The following CAMTA1 variants were observed in gnomAD, a reference collection of about 807,000 sequenced individuals.
The protein encoded by CAMTA1 is calmodulin-binding transcription activator 1.
A neutral mutation model predicts 170.9 loss-of-function variants in CAMTA1; 27 were observed. The ratio of observed to expected loss-of-function variants is 0.16; its 90% CI spans 0.12 to 0.22. CAMTA1 has a LOEUF of 0.22. Among genes scored for constraint, CAMTA1 ranks in the 10% least tolerant of loss-of-function variants. The pLI is 1.00. For synonymous variants in CAMTA1, 833 were observed against 891.5 expected (o/e 0.93, Z 1.17); for missense variants, 1,619 against 2,217.2 (o/e 0.73, Z 5.42).
intron 6 of CAMTA1, among the ~76,000 whole-genome samples, chr1:7,504,365 C>T (rs1219643375): frequency 6.6e-6 from 1 of 152,238 alleles, no homozygotes; most frequent in African/African-American, 2.4e-5. Flanking sequence ...AGCTGTCCTG[C>T]CCCCTTGCTG....
chr1:7,067,728 C>T lies in CAMTA1; in HGVS notation c.235-23576C>T, dbSNP rs558992888. 1.3e-5 allele frequency among the ~76,000 whole-genome samples: 2 copies of T among 152,256 alleles called. No homozygotes were observed. Among genetic ancestry groups the T allele is most frequent in the East Asian group, 1.9e-4 (1 of 5,182 alleles). On this transcript the variant is annotated intron_variant, in intron 3 of 22. Transcript: ENST00000303635. The surrounding 1 kb of genome is among the most constrained non-coding windows in gnomAD (Gnocchi z 4.3). ...ATAGCATTCCCGTCTTATTTCTTGC[C>T]GACAGGACCTTGACTGTGTTCAGGT...
At chr1:7,370,258 C>G (rs2086338498) in intron 5 of CAMTA1, 1 of 152,248 alleles carries the variant, frequency 6.6e-6, no homozygotes, top group Non-Finnish European at 1.5e-5. Context: ...AGTCAATTGA[C>G]TTAAACATGG....
rs2095022531 is a variant in CAMTA1 at position 7,565,089 on chromosome 1, G to A, written c.511-75311G>A. ...GAGGGACCCAAAGCAGAGGGGCTGT[G>A]GGTGCCAGGGGGCTCCCTGGGGAGA... On this transcript the variant is annotated intron_variant, in intron 6 of 22. Coordinates refer to ENST00000303635, the MANE Select transcript of CAMTA1 (RefSeq NM_015215.4). This position sits in a 1 kb window ranked among gnomAD's most constrained non-coding sequence, Gnocchi z 4.5. Among the ~76,000 whole-genome samples the A allele has an allele frequency of 6.6e-6, 1 of 151,956 alleles. No homozygotes were observed. The highest frequency in any genetic ancestry group is 1.5e-5 in the Non-Finnish European group (1 of 67,962).
intron 5 of CAMTA1, among the ~76,000 whole-genome samples, chr1:7,317,115 A>G (rs530142319): frequency 5.9e-5 from 9 of 152,254 alleles, no homozygotes; most frequent in Middle Eastern, 3.4e-3. Context: ...AACACTGTGA[A>G]GGGAAGTTGC....
At chr1:7,726,286 G>T (rs1028641637) in intron 11 of CAMTA1, among the ~76,000 whole-genome samples, 26 of 151,832 alleles carry the variant, frequency 1.7e-4, no homozygotes, top group African/African-American at 6.3e-4. Flanking sequence ...TTATAGTTTC[G>T]CTGGGGAGGA....
At chr1:7,337,959 C>T (rs2083512741) in intron 5 of CAMTA1, among the ~76,000 whole-genome samples, 1 of 147,128 alleles carries the variant, frequency 6.8e-6, no homozygotes, top group African/African-American at 2.6e-5. Flanking sequence ...TAGAAATAAA[C>T]ATGTATATAT....
intron 3 of CAMTA1, among the ~76,000 whole-genome samples, chr1:7,062,511 C>T (rs1708368893): frequency 6.6e-6 from 1 of 152,018 alleles, no homozygotes; most frequent in African/African-American, 2.4e-5. Flanking sequence ...AATGGCTGGG[C>T]GCCGGGGAGA....
At chr1:6,928,528 C>T (rs1401159180) in intron 3 of CAMTA1, among the ~76,000 whole-genome samples, 2 of 152,066 alleles carry the variant, frequency 1.3e-5, no homozygotes, top group African/African-American at 4.8e-5. Flanking sequence ...TCCCATCTGC[C>T]CTCCCCACCC....
rs1692510132 is a variant in CAMTA1 at position 6,971,370 on chromosome 1, T to A, written c.235-119934T>A. Among the ~76,000 whole-genome samples, 1 of 152,210 alleles carries A rather than the reference T, an allele frequency of 6.6e-6. No homozygotes were observed. Among genetic ancestry groups the A allele is most frequent in the Non-Finnish European group, 1.5e-5 (1 of 68,044 alleles). ...ATAGCAGACGATCGGATTGTATCCG[T>A]GTCATTCTGCTGCCACTTTAATGAG... On this transcript the variant is annotated intron_variant, in intron 3 of 22. Coordinates refer to ENST00000303635, the MANE Select transcript of CAMTA1 (RefSeq NM_015215.4). The surrounding 1 kb of genome is among the most constrained non-coding windows in gnomAD (Gnocchi z 4.6).
chr1:7,242,429 G>T (rs1366946470), intron 4 of CAMTA1, among the ~76,000 whole-genome samples: 2 of 152,130 alleles, frequency 1.3e-5, no homozygotes, highest in Non-Finnish European at 2.9e-5. Flanking sequence ...TTGTTGCTGG[G>T]TTTTCAATCA....
intron 4 of CAMTA1, among the ~76,000 whole-genome samples, chr1:7,192,450 C>T (rs531253283): frequency 1.3e-5 from 2 of 152,340 alleles, no homozygotes; most frequent in Non-Finnish European, 2.9e-5. Context: ...GGACTGAGGC[C>T]GGATAGCCCA....
At chr1:7,111,383 C>T (rs1644027660) in intron 4 of CAMTA1, among the ~76,000 whole-genome samples, 1 of 152,170 alleles carries the variant, frequency 6.6e-6, no homozygotes, top group African/African-American at 2.4e-5. Flanking sequence ...CTTCATCATC[C>T]CTGGTTTTAT....
At position 6,918,561 on chromosome 1, in the gene CAMTA1, T is replaced by C. The variant is rs1571703357; in HGVS notation, c.234+93351T>C. Among the ~76,000 whole-genome samples the C allele has an allele frequency of 1.3e-5, 2 of 152,190 alleles. No homozygotes were observed. The highest frequency in any genetic ancestry group is 4.1e-4 in the South Asian group (2 of 4,832). Reference sequence around the variant, plus strand: ...GAGAAATACTGTGGCTTCAAAACGGTATTTATCTGGCATTGGGAAACCATC... The same window carrying C: ...GAGAAATACTGTGGCTTCAAAACGGCATTTATCTGGCATTGGGAAACCATC... On this transcript the variant is annotated intron_variant, in intron 3 of 22. Coordinates refer to ENST00000303635, the MANE Select transcript of CAMTA1 (RefSeq NM_015215.4). This position sits in a 1 kb window ranked among gnomAD's most constrained non-coding sequence, Gnocchi z 4.0.
intron 4 of CAMTA1, among the ~76,000 whole-genome samples, chr1:7,139,745 G>A (rs1192658989): frequency 6.6e-6 from 1 of 152,170 alleles, no homozygotes; most frequent in African/African-American, 2.4e-5. Context: ...TGGTTGTTGG[G>A]TGGATGGACG....
intron 3 of CAMTA1, among the ~76,000 whole-genome samples, chr1:6,930,853 C>T (rs1684276306): frequency 6.6e-6 from 1 of 152,250 alleles, no homozygotes; most frequent in African/African-American, 2.4e-5. Context: ...CCACTCTTCA[C>T]CAGGCGTGGG....
At position 7,569,532 on chromosome 1, in the gene CAMTA1, A is replaced by G. The variant is rs528863456; in HGVS notation, c.511-70868A>G. Among the ~76,000 whole-genome samples the G allele has an allele frequency of 2.0e-5, 3 of 149,416 alleles. No individual in the cohort carries two copies. The East Asian group carries it at 6.0e-4, about 30-fold the overall frequency. On this transcript the variant is annotated intron_variant, in intron 6 of 22. Coordinates refer to ENST00000303635, the MANE Select transcript of CAMTA1 (RefSeq NM_015215.4). ...ATTACCATTACCTTCATCATTCTCC[A>G]ACATCATCATCACCACCACCACATC...
chr1:7,527,536 C>T (rs937710268), intron 6 of CAMTA1, among the ~76,000 whole-genome samples: 1 of 152,216 alleles, frequency 6.6e-6, no homozygotes, highest in Non-Finnish European at 1.5e-5. Flanking sequence ...AAGAGTATAG[C>T]ACAGAGCCTG....
chr1:6,799,773 G>GTC (rs777644715), intron 1 of CAMTA1, among the ~76,000 whole-genome samples: 20 of 151,616 alleles, frequency 1.3e-4, no homozygotes, highest in South Asian at 6.2e-4. Flanking sequence ...TGTGAATGTG[G>GTC]TCTCTCTCTC....
At chr1:7,480,613 A>T (rs1195036926) in intron 6 of CAMTA1, among the ~76,000 whole-genome samples, 1 of 151,972 alleles carries the variant, frequency 6.6e-6, no homozygotes, top group Non-Finnish European at 1.5e-5. Flanking sequence ...GCACCTCTTC[A>T]GGCGGCCATT....
Sources: allele counts gnomAD v4.1 joint callset (sites outside exome capture counted in the v4.1 genomes callset), GRCh38; gene constraint gnomAD v4.1.1; non-coding constraint Gnocchi (gnomAD v3.1); transcripts MANE v1.5; gene names NCBI Gene and HGNC (gene_info 2026-07-23, HGNC 2026-07-21).